Variants in SARM1 observed in about 807,000 individuals in gnomAD.
SARM1 encodes NAD(+) hydrolase SARM1.
Under a neutral mutation model 65.1 loss-of-function variants are expected in SARM1, and 60 were observed. That is an observed-to-expected ratio of 0.92 (90% CI 0.75 to 1.14). The LOEUF (loss-of-function observed/expected upper bound fraction) is 1.14, where lower values mean the gene tolerates loss of function less well. SARM1 is among the 50% of genes most tolerant of loss of function. SARM1 has a pLI of 0.00. For synonymous variants in SARM1, 417 were observed against 465.4 expected, an observed-to-expected ratio of 0.90 and a Z score of 1.34; for missense variants, 913 against 1,015.7, an observed-to-expected ratio of 0.90 and a Z score of 1.37.
chr17:28,396,054 G>T (rs782003026), intron 8 of SARM1, 28 bp downstream of exon 8: 4 of 1,613,602 alleles, frequency 2.5e-6, no homozygotes, highest in Non-Finnish European at 3.4e-6. Context: ...GGGACCAGGG[G>T]GGTAGGGTAC....
At chr17:28,390,785 G>A (rs1350249605) in intron 7 of SARM1, among the ~76,000 whole-genome samples, 2 of 152,154 alleles carry the variant, frequency 1.3e-5, no homozygotes, top group African/African-American at 4.8e-5. Context: ...TGGGTAAGTG[G>A]AATAGAAGGC....
Position 28,388,426 on chromosome 17 carries a change from G to A in SARM1, c.1810G>A (p.Glu604Lys), listed in dbSNP as rs782398426. ...GGAGAAGCTGGAAGCAGGCAAGTTC[G>A]AGGACAAACTCATCCAGAGTGTCAT... ...DVEKLEAGKF[E>K]DKLIQSVMGA... Residue 604 changes from glutamate to lysine, a missense_variant, in exon 7 of 9, where the codon GAG becomes AAG. Coordinates refer to ENST00000585482, the MANE Select transcript of SARM1 (RefSeq NM_015077.4). 72 of 1,613,846 alleles carry A rather than the reference G, an allele frequency of 4.5e-5. 2 individuals carry two copies. Among genetic ancestry groups the A allele is most frequent in the South Asian group, 4.3e-4 (39 of 91,084 alleles).
At chr17:28,374,104 T>TTAA (rs560552975) in intron 1 of SARM1, 1 of 139,918 alleles carries the variant, frequency 7.1e-6, no homozygotes, top group African/African-American at 2.7e-5. Context: ...CTGTCTCTAC[T>TTAA]AAAAAAAAAA....
In SARM1 at chr17:28,400,441, G is replaced by T; in HGVS notation, c.*4155G>T. The stretch of plus-strand genomic sequence containing the variant: ...CTCGCCATCTCGCCCTTGGAAAATG[G>T]CTCCTGGAGGATTAGGCAGCCATCT... On this transcript the variant is annotated 3_prime_UTR_variant, in exon 9 of 9. Transcript: ENST00000585482. 1 of 801,992 alleles carries T rather than the reference G, an allele frequency of 1.2e-6. No individual in the cohort carries two copies. 49.7% of individuals were successfully genotyped at this position (801,992 alleles called of 1,614,324 possible).
chr17:28,402,453 A>G lies in SARM1; in HGVS notation c.*6167A>G. On this transcript the variant is annotated 3_prime_UTR_variant, in exon 9 of 9. Coordinates refer to ENST00000585482, the MANE Select transcript of SARM1 (RefSeq NM_015077.4). ...CCCAGGAAGAACTTCCTTGATGGTGAGGGTGGGAAGACAGTAGTCAAGGAG... is the reference window on the plus strand; with the variant it reads ...CCCAGGAAGAACTTCCTTGATGGTGGGGGTGGGAAGACAGTAGTCAAGGAG... 2.8e-6 allele frequency: 2 copies of G among 706,386 alleles called. No individual in the cohort carries two copies. Among genetic ancestry groups the G allele is most frequent in the East Asian group, 5.6e-5 (2 of 35,924 alleles). 43.8% of individuals were successfully genotyped at this position (706,386 alleles called of 1,614,324 possible). A position where few individuals can be genotyped will look rare whatever the true frequency, so the allele number is the denominator to read the frequency against.
chr17:28,375,340 G>A (rs2067982815), intron 1 of SARM1, among the ~76,000 whole-genome samples: 1 of 129,434 alleles, frequency 7.7e-6, no homozygotes, highest in Admixed American at 8.4e-5. Context: ...TCTCATGCCT[G>A]TAATCCCAGC....
chr17:28,375,095 T>A (rs2067981571), intron 1 of SARM1, among the ~76,000 whole-genome samples: 1 of 152,086 alleles, frequency 6.6e-6, no homozygotes, highest in African/African-American at 2.4e-5. Context: ...AGGTCACAGT[T>A]TTCCTGACTT....
Position 28,388,550 on chromosome 17 carries a change from G to A in SARM1, c.1923+11G>A. The A allele has an allele frequency of 6.2e-7, 1 of 1,610,454 alleles. No individual in the cohort carries two copies. Among genetic ancestry groups the A allele is most frequent in the South Asian group, 1.1e-5 (1 of 91,014 alleles). ...GATTGGGTGCATAAGGTAGGTGCCT[G>A]CCTATGCTTCTGCGGTCCCAGCATT... On this transcript the variant is annotated intron_variant, in intron 7 of 8. Transcript: ENST00000585482.
At position 28,399,898 on chromosome 17, in the gene SARM1, T is replaced by C. The variant is rs2068175525; in HGVS notation, c.*3612T>C. 4.5e-6 allele frequency: 1 copy of C among 220,198 alleles called. No individual in the cohort carries two copies. Among genetic ancestry groups the C allele is most frequent in the Non-Finnish European group, 8.9e-6 (1 of 111,964 alleles). The allele number at this position is 220,198 out of a possible 1,614,324, so 13.6% of individuals were successfully genotyped here. ...CAGGGACATGGCTCTGGAAAATAAC[T>C]TTTTTTTTTTTAAGAGACAGGGTCT... On this transcript the variant is annotated 3_prime_UTR_variant, in exon 9 of 9. Transcript: ENST00000585482.
At chr17:28,380,780 T>C (rs1231281203) in intron 1 of SARM1, among the ~76,000 whole-genome samples, 1 of 152,256 alleles carries the variant, frequency 6.6e-6, no homozygotes, top group African/African-American at 2.4e-5. Context: ...ATCTCATTAG[T>C]CCTGATAATA....
At chr17:28,377,533 G>T (rs541251777) in intron 1 of SARM1, among the ~76,000 whole-genome samples, 13 of 152,332 alleles carry the variant, frequency 8.5e-5, no homozygotes, top group Non-Finnish European at 1.5e-4. Flanking sequence ...TAACCTAGGT[G>T]GCCAAGGCTG....
intron 7 of SARM1, chr17:28,395,597 C>A: frequency 3.4e-6 from 1 of 291,044 alleles, no homozygotes; most frequent in South Asian, 5.0e-5. Context: ...CTTCCTGAAA[C>A]TATCTAGGCT....
In SARM1 at chr17:28,396,271, C is replaced by A; in HGVS notation, c.2160C>A (p.Pro720=). Residue 720 remains proline (P), a synonymous_variant, in exon 9 of 9, where the codon CCC becomes CCA. Transcript: ENST00000585482. ...ACACCAGTTTGGAGGGTGCTGCACC[C>A]ATGGGTCCAACCTAACCAGTCCCCA... ...GSDTSLEGAA[P]MGPT 1 of 1,614,000 alleles carries A rather than the reference C, an allele frequency of 6.2e-7. No homozygotes were observed. Among genetic ancestry groups the A allele is most frequent in the South Asian group, 1.1e-5 (1 of 91,082 alleles).
At position 28,384,771 on chromosome 17, in the gene SARM1, T is replaced by G. The variant is rs377202729; in HGVS notation, c.1303-68T>G. 1 of 1,425,728 alleles carries G rather than the reference T, an allele frequency of 7.0e-7. No individual in the cohort carries two copies. Among genetic ancestry groups the G allele is most frequent in the East Asian group, 2.5e-5 (1 of 40,294 alleles). 88.3% of individuals were successfully genotyped at this position (1,425,728 alleles called of 1,614,324 possible). On this transcript the variant is annotated intron_variant, in intron 3 of 8. Coordinates refer to ENST00000585482, the MANE Select transcript of SARM1 (RefSeq NM_015077.4). The surrounding 1 kb of genome is among the most constrained non-coding windows in gnomAD (Gnocchi z 4.4). Reference sequence around the variant, plus strand: ...CCACGCCATCTCCAGTTCCTTCCCTTGCATCTTGTGCTCGAGGTCCAAGGG... The same window carrying G: ...CCACGCCATCTCCAGTTCCTTCCCTGGCATCTTGTGCTCGAGGTCCAAGGG...
At chr17:28,381,888 A>G (rs1312032137) in intron 2 of SARM1, 67 bp downstream of exon 2, 2 of 1,378,448 alleles carry the variant, frequency 1.5e-6, no homozygotes, top group African/African-American at 3.0e-5. Flanking sequence ...TCCCAGAGGA[A>G]GTCACATTCA....
At chr17:28,388,637 CT>C (rs1362837416) in intron 7 of SARM1, 98 bp downstream of exon 7, 1 of 1,303,510 alleles carries the variant, frequency 7.7e-7, no homozygotes, top group Non-Finnish European at 1.1e-6. Context: ...TCCCGGCACA[CT>C]TAGCCCTGAA....
At position 28,396,390 on chromosome 17, in the gene SARM1, C is replaced by T. The variant is rs73273104; in HGVS notation, c.*104C>T. 9,103 of 1,414,220 alleles carry T rather than the reference C, an allele frequency of 6.4e-3. 493 individuals carry two copies. In the African/African-American group the frequency reaches 0.11, roughly 18 times the overall value. The allele number at this position is 1,414,220 out of a possible 1,614,324, so 87.6% of individuals were successfully genotyped here. On this transcript the variant is annotated 3_prime_UTR_variant, in exon 9 of 9. Coordinates refer to ENST00000585482, the MANE Select transcript of SARM1 (RefSeq NM_015077.4). ...TCCCTGGGCTGAGACAACCTGGGCT[C>T]TTCTTAGGAAATGGCTCTCCCTCCC... is the stretch of plus-strand genomic sequence containing the variant.
At chr17:28,376,240 G>A (rs1285276192) in intron 1 of SARM1, among the ~76,000 whole-genome samples, 2 of 152,010 alleles carry the variant, frequency 1.3e-5, no homozygotes, top group Admixed American at 6.6e-5. Context: ...CCTTCGCTGG[G>A]CCTCAGGTAA....
At position 28,385,433 on chromosome 17, in the gene SARM1, G is replaced by T. The variant is rs1160521415; in HGVS notation, c.1630+158G>T. 7 of 620,198 alleles carry T rather than the reference G, an allele frequency of 1.1e-5. No individual in the cohort carries two copies. Among genetic ancestry groups the T allele is most frequent in the African/African-American group, 1.1e-4 (6 of 53,180 alleles). 38.4% of individuals were successfully genotyped at this position (620,198 alleles called of 1,614,324 possible). The stretch of plus-strand genomic sequence containing the variant: ...GCTCTGAGGATGTAAAGATGAATAC[G>T]TTGCACTTTACCTCAAGAAGTTCCC... On this transcript the variant is annotated intron_variant, in intron 5 of 8. Coordinates refer to ENST00000585482, the MANE Select transcript of SARM1 (RefSeq NM_015077.4). The surrounding 1 kb of genome is among the most constrained non-coding windows in gnomAD (Gnocchi z 4.5).
Sources: gnomAD v4.1 joint callset for allele counts (sites outside exome capture counted in the v4.1 genomes callset) on GRCh38, gnomAD v4.1.1 for gene constraint, Gnocchi (gnomAD v3.1) non-coding constraint, MANE v1.5 for transcripts, NCBI Gene and HGNC (gene_info 2026-07-23, HGNC 2026-07-21) for gene names.